LINGO2: variants seen among roughly 807,000 people sequenced by gnomAD.
LINGO2 encodes leucine-rich repeat and immunoglobulin-like domain-containing nogo receptor-interacting protein 2.
In LINGO2, 14 loss-of-function variants were observed where a neutral mutation model predicts 30.6. The ratio of observed to expected loss-of-function variants is 0.46; its 90% CI spans 0.30 to 0.72. The LOEUF (loss-of-function observed/expected upper bound fraction) is 0.72. Ranked by LOEUF, LINGO2 falls within the 30% of genes least tolerant of loss-of-function variation. The probability of loss-of-function intolerance (pLI) is 0.07; values close to 1 mark genes in which losing one functional copy is unlikely to be tolerated. For missense variants in LINGO2, 729 were observed against 751.7 expected (o/e 0.97, Z 0.35); for synonymous variants, 317 against 288.5 (o/e 1.10, Z -1.00).
At chr9:29,007,660 T>A in the LINGO2 span, among the ~76,000 whole-genome samples, 1 of 151,928 alleles carries the variant, frequency 6.6e-6, no homozygotes. Context: ...CTCTCAGAAA[T>A]TGTTTCTGAG....
chr9:28,605,035 C>T (rs879831154), intron 1 of LINGO2, among the ~76,000 whole-genome samples: 1 of 151,786 alleles, frequency 6.6e-6, no homozygotes, highest in South Asian at 2.1e-4. Context: ...AAATCTGAAG[C>T]CAAGTTCTTA....
intron 1 of LINGO2, among the ~76,000 whole-genome samples, chr9:28,635,586 G>A (rs952880614): frequency 3.9e-5 from 6 of 151,984 alleles, no homozygotes; most frequent in African/African-American, 1.5e-4. Context: ...AAACAAGACA[G>A]AAGCTATCAA....
At chr9:28,585,846 C>G in intron 1 of LINGO2, among the ~76,000 whole-genome samples, 1 of 151,982 alleles carries the variant, frequency 6.6e-6, no homozygotes. Context: ...TCAAGATTGT[C>G]ATTGTTGAGC....
intron 3 of LINGO2, among the ~76,000 whole-genome samples, chr9:28,339,506 AG>A (rs1240305422): frequency 1.3e-5 from 2 of 152,290 alleles, no homozygotes; most frequent in African/African-American, 4.8e-5. Context: ...GTGAGTGTTC[AG>A]AGTTGCCTAA....
chr9:28,982,619 T>C, the LINGO2 span, among the ~76,000 whole-genome samples: 12 of 151,948 alleles, frequency 7.9e-5, no homozygotes, highest in Non-Finnish European at 8.8e-5. Context: ...TTGGTAGCTA[T>C]CCCTTCAGAG....
chr9:28,422,488 G>C (rs1176335768), intron 2 of LINGO2, among the ~76,000 whole-genome samples: 1 of 150,044 alleles, frequency 6.7e-6, no homozygotes, highest in East Asian at 2.0e-4. Context: ...ATACCCGCTA[G>C]GATGGCTACT....
At chr9:28,722,430 T>C in the LINGO2 span, among the ~76,000 whole-genome samples, 1 of 152,100 alleles carries the variant, frequency 6.6e-6, no homozygotes. Context: ...CTAACAAACG[T>C]CAAAGTTGTA....
chr9:28,471,479 C>T (rs1436800127), intron 2 of LINGO2, among the ~76,000 whole-genome samples: 1 of 152,142 alleles, frequency 6.6e-6, no homozygotes, highest in African/African-American at 2.4e-5. Flanking sequence ...GACTTAATCA[C>T]ATCTTAAAGA....
the LINGO2 span, among the ~76,000 whole-genome samples, chr9:28,682,105 A>C: frequency 6.6e-6 from 1 of 152,204 alleles, no homozygotes; most frequent in Non-Finnish European, 1.5e-5. Flanking sequence ...TAGCGGTGAG[A>C]TTTCTATTCA....
intron 5 of LINGO2, among the ~76,000 whole-genome samples, chr9:28,004,532 T>C (rs17569202): frequency 0.024 from 3,645 of 152,346 alleles, 61 homozygotes; most frequent in Middle Eastern, 0.058. Context: ...ATGAGTCATT[T>C]AGTGTATTTA....
chr9:28,400,960 T>G (rs1488019343), intron 2 of LINGO2, among the ~76,000 whole-genome samples: 1 of 152,182 alleles, frequency 6.6e-6, no homozygotes, highest in Non-Finnish European at 1.5e-5. Flanking sequence ...ATTTTTTCTG[T>G]TTTTTATTTC....
exon 6 of LINGO2, chr9:27,949,196 A>G: frequency 6.2e-7 from 1 of 1,614,052 alleles, no homozygotes; most frequent in Non-Finnish European, 8.5e-7. Context: ...CTGTGAAGGT[A>G]TCATTCCCAG....
chr9:28,981,863 T>C, the LINGO2 span, among the ~76,000 whole-genome samples: 1 of 152,196 alleles, frequency 6.6e-6, no homozygotes, highest in Admixed American at 6.6e-5. Flanking sequence ...GGATGCCACA[T>C]GCTGGGAAAT....
intron 4 of LINGO2, among the ~76,000 whole-genome samples, chr9:28,020,293 C>G (rs1164837381): frequency 6.6e-6 from 1 of 152,118 alleles, no homozygotes; most frequent in Admixed American, 6.6e-5. Flanking sequence ...ATTTGGGAAG[C>G]TGAGGAGGGC....
chr9:28,583,086 T>TA (rs904448398), intron 1 of LINGO2, among the ~76,000 whole-genome samples: 1 of 151,934 alleles, frequency 6.6e-6, no homozygotes, highest in Non-Finnish European at 1.5e-5. Context: ...TCAGTCAATA[T>TA]AAAAAATGCT....
At chr9:29,180,623 A>T in the LINGO2 span, among the ~76,000 whole-genome samples, 1 of 152,162 alleles carries the variant, frequency 6.6e-6, no homozygotes, top group East Asian at 1.9e-4. Flanking sequence ...GTGATCACAC[A>T]CTTTTTCAAA....
At chr9:28,222,725 T>C (rs1175031107) in intron 4 of LINGO2, among the ~76,000 whole-genome samples, 1 of 152,120 alleles carries the variant, frequency 6.6e-6, no homozygotes, top group Non-Finnish European at 1.5e-5. Flanking sequence ...ATGAATAAGA[T>C]CAATCTCCAC....
intron 2 of LINGO2, among the ~76,000 whole-genome samples, chr9:28,452,792 T>C (rs984363541): frequency 6.6e-5 from 10 of 151,776 alleles, no homozygotes; most frequent in Non-Finnish European, 1.3e-4. Context: ...AATGTAAGCA[T>C]ATATGTACAA....
chr9:28,607,352 A>T (rs999720733), intron 1 of LINGO2, among the ~76,000 whole-genome samples: 6 of 152,030 alleles, frequency 3.9e-5, no homozygotes, highest in African/African-American at 1.4e-4. Context: ...TATTGGTTTT[A>T]TCATGTTGGA....
Sources: gnomAD v4.1 joint callset for allele counts (sites outside exome capture counted in the v4.1 genomes callset) on GRCh38, gnomAD v4.1.1 for gene constraint, MANE v1.5 for transcripts, NCBI Gene and HGNC (gene_info 2026-07-23, HGNC 2026-07-21) for gene names.